NARS2: variants seen among roughly 807,000 people sequenced by gnomAD.
NARS2 encodes asparaginyl-tRNA synthetase 2, mitochondrial.
A neutral mutation model predicts 62.9 loss-of-function variants in NARS2; 60 were observed. That is an observed-to-expected ratio of 0.95 (90% CI 0.77 to 1.18). NARS2 has a LOEUF of 1.18. Ranked by LOEUF, NARS2 falls within the 50% of genes most tolerant of loss-of-function variation. The pLI, the probability that NARS2 is intolerant of heterozygous loss-of-function variation, is 0.00. For missense variants in NARS2, 619 were observed against 576.4 expected (o/e 1.07, Z -0.76); for synonymous variants, 196 against 200.0 (o/e 0.98, Z 0.17).
intron 6 of NARS2, among the ~76,000 whole-genome samples, chr11:78,508,917 C>G (rs983282986): frequency 2.6e-5 from 4 of 151,730 alleles, no homozygotes; most frequent in Non-Finnish European, 5.9e-5. Flanking sequence ...GAGTTTGAGA[C>G]CAGCCTGGCC....
At chr11:78,442,284 A>G (rs1274759512) in intron 12 of NARS2, among the ~76,000 whole-genome samples, 1 of 152,218 alleles carries the variant, frequency 6.6e-6, no homozygotes, top group Non-Finnish European at 1.5e-5. Context: ...CAATTCCACA[A>G]CTTTCTCAGG....
intron 11 of NARS2, among the ~76,000 whole-genome samples, chr11:78,450,806 C>T (rs566915265): frequency 6.6e-6 from 1 of 151,744 alleles, no homozygotes; most frequent in East Asian, 1.9e-4. Context: ...TCCCGAGTAG[C>T]TGGTATTACA....
chr11:78,484,003 C>T (rs143273746), intron 7 of NARS2, among the ~76,000 whole-genome samples: 2 of 152,282 alleles, frequency 1.3e-5, no homozygotes, highest in Non-Finnish European at 2.9e-5. Context: ...TACAAGGCTA[C>T]AGTAATCAAA....
At chr11:78,551,157 T>C (rs60522450) in intron 5 of NARS2, among the ~76,000 whole-genome samples, 3,485 of 152,284 alleles carry the variant, frequency 0.023, 131 homozygotes, top group African/African-American at 0.08. Context: ...TGTACAACCC[T>C]GAGAACATAC....
chr11:78,444,290 T>C (rs1857675620), intron 11 of NARS2, among the ~76,000 whole-genome samples: 1 of 152,222 alleles, frequency 6.6e-6, no homozygotes, highest in African/African-American at 2.4e-5. Context: ...TATTTTTGTC[T>C]GTTTTTTCTT....
At chr11:78,532,251 G>A (rs763193227) in intron 5 of NARS2, among the ~76,000 whole-genome samples, 7 of 152,028 alleles carry the variant, frequency 4.6e-5, no homozygotes, top group Non-Finnish European at 7.4e-5. Context: ...AATTGCCAAC[G>A]ATAAAAGGAA....
rs1555015781 is a variant in NARS2 at position 78,469,775 on chromosome 11, A to AGAGC, written c.960-466_960-463dup. Among the ~76,000 whole-genome samples the AGAGC allele has an allele frequency of 2.6e-5, 4 of 152,184 alleles. No individual in the cohort carries two copies. The South Asian group carries it at 8.3e-4, about 32-fold the overall frequency. ...GCGCATGTGTGTGTCAGAGAGAGAG[A>AGAGC]GAGCGAGAGATGCAGGTGAGGAGAG... On this transcript the variant is annotated intron_variant, in intron 9 of 13. Coordinates refer to ENST00000281038, the MANE Select transcript of NARS2 (RefSeq NM_024678.6).
chr11:78,478,464 T>C lies in NARS2; in HGVS notation c.933A>G (p.Glu311=). 8.8e-7 allele frequency: 1 copy of C among 1,137,362 alleles called. No individual in the cohort carries two copies. Among genetic ancestry groups the C allele is most frequent in the South Asian group, 1.7e-5 (1 of 58,034 alleles). 70.5% of individuals were successfully genotyped at this position (1,137,362 alleles called of 1,614,324 possible). ...TTAAAAAGTTGTTTTTTAGCATATG[T>C]TCTAATCTGTCCTTAATAAAAAGAC... is the stretch of plus-strand genomic sequence containing the variant. The part of the protein sequence containing the change: ...FIAPGQKDRL[E]HMLKNNFLII... The change falls in exon 9 of 14, where the codon GAA becomes GAG. Residue 311 remains glutamate, a synonymous_variant. Transcript: ENST00000281038.
intron 11 of NARS2, among the ~76,000 whole-genome samples, chr11:78,454,713 G>C (rs911242351): frequency 6.6e-6 from 1 of 151,858 alleles, no homozygotes; most frequent in African/African-American, 2.4e-5. Context: ...CCACCTCCCG[G>C]GTTCAAGCGA....
At chr11:78,444,727 C>CAAAAAAAAA (rs1391489970) in intron 11 of NARS2, among the ~76,000 whole-genome samples, 43 of 92,402 alleles carry the variant, frequency 4.7e-4, no homozygotes, top group South Asian at 9.7e-4. Flanking sequence ...TCAAACAAAA[C>CAAAAAAAAA]AAAAAAAAAA....
chr11:78,502,991 CAAAA>C (rs550751384), intron 6 of NARS2, among the ~76,000 whole-genome samples: 1 of 82,946 alleles, frequency 1.2e-5, no homozygotes. Flanking sequence ...GAGACTGTCT[CAAAA>C]AAAAAAAAAA....
intron 2 of NARS2, among the ~76,000 whole-genome samples, chr11:78,570,171 CAG>C (rs969995527): frequency 6.6e-6 from 1 of 151,998 alleles, no homozygotes; most frequent in Non-Finnish European, 1.5e-5. Context: ...GCCTGAGCGA[CAG>C]AGTCAGACTC....
At chr11:78,443,877 T>C (rs903946398) in intron 11 of NARS2, 119 bp from the exon 12 acceptor site, 8 of 661,536 alleles carry the variant, frequency 1.2e-5, no homozygotes, top group Non-Finnish European at 2.1e-5. Context: ...ACCAGAATCT[T>C]ACTGACTACA....
chr11:78,465,323 G>A (rs1179714845), intron 11 of NARS2, among the ~76,000 whole-genome samples: 4 of 152,248 alleles, frequency 2.6e-5, no homozygotes, highest in Non-Finnish European at 5.9e-5. Flanking sequence ...GCCGGCTCCG[G>A]CCTTGGCCAG....
intron 11 of NARS2, among the ~76,000 whole-genome samples, chr11:78,458,907 T>G (rs972313948): frequency 8.1e-5 from 12 of 148,240 alleles, no homozygotes; most frequent in Non-Finnish European, 1.6e-4. Flanking sequence ...TGATGGTGGG[T>G]TTTTTTTTTG....
In NARS2 at chr11:78,436,471, G is replaced by A. The variant is rs73504911; in HGVS notation, c.*199C>T. The A allele has an allele frequency of 0.017, 9,586 of 580,212 alleles. 709 individuals are homozygous for A. Among genetic ancestry groups the A allele is most frequent in the African/African-American group, 0.16 (8,709 of 53,294 alleles). The allele number at this position is 580,212 out of a possible 1,614,324, so 35.9% of individuals were successfully genotyped here. A position where few individuals can be genotyped will look rare whatever the true frequency, so the allele number is the denominator to read the frequency against. ...CCTTGCTATAAGTACCTCTTCTTGC[G>A]GGAGCTCATCCTTACGTGAAATACC... is the stretch of plus-strand genomic sequence containing the variant. On this transcript the variant is annotated 3_prime_UTR_variant, in exon 14 of 14. Coordinates refer to ENST00000281038, the MANE Select transcript of NARS2 (RefSeq NM_024678.6).
At chr11:78,520,876 T>C in intron 6 of NARS2, among the ~76,000 whole-genome samples, 1 of 151,918 alleles carries the variant, frequency 6.6e-6, no homozygotes, top group East Asian at 1.9e-4. Context: ...GCCAACATGA[T>C]GAAACCCCGT....
rs10899518 is a variant in NARS2, at chr11:78,469,462, A to C, written c.960-149T>G. 0.23 allele frequency: 140,193 copies of C among 609,266 alleles called. 17,831 individuals carry two copies. Among genetic ancestry groups the C allele is most frequent in the East Asian group, 0.4 (14,256 of 35,566 alleles). 37.7% of individuals were successfully genotyped at this position (609,266 alleles called of 1,614,324 possible). On this transcript the variant is annotated intron_variant, in intron 9 of 13. Transcript: ENST00000281038. ...AAGGCTGATCTAATCCTATGAAAGA[A>C]TGATCTGCCTGAAGACAAGTAACCA... is the stretch of plus-strand genomic sequence containing the variant.
At chr11:78,506,727 G>C (rs1468161881) in intron 6 of NARS2, among the ~76,000 whole-genome samples, 2 of 152,186 alleles carry the variant, frequency 1.3e-5, no homozygotes, top group Non-Finnish European at 2.9e-5. Flanking sequence ...GTACAGACAA[G>C]GTTTCACCAT....
Sources: allele counts gnomAD v4.1 joint callset (sites outside exome capture counted in the v4.1 genomes callset), GRCh38; gene constraint gnomAD v4.1.1; transcripts MANE v1.5; gene names NCBI Gene and HGNC (gene_info 2026-07-23, HGNC 2026-07-21).